The following FREM2 variants were observed in gnomAD, a reference collection of about 807,000 sequenced individuals.
FREM2 encodes the protein FRAS1-related extracellular matrix protein 2.
FREM2 carries 119 observed loss-of-function variants against 219.9 expected under a neutral mutation model. That is an observed-to-expected ratio of 0.54 (90% CI 0.47 to 0.63). The LOEUF is 0.63. FREM2 is among the 30% of genes least tolerant of loss of function. The pLI is 0.00. For synonymous variants in FREM2, 1,562 were observed against 1,522.8 expected, an observed-to-expected ratio of 1.03 and a Z score of -0.60; for missense variants, 4,030 against 3,993.6, an observed-to-expected ratio of 1.01 and a Z score of -0.25.
At position 38,783,902 on chromosome 13, in the gene FREM2, C is replaced by T. The variant is rs891983958; in HGVS notation, c.5768-655C>T. Among the ~76,000 whole-genome samples the T allele has an allele frequency of 3.3e-5, 5 of 152,338 alleles. No homozygotes were observed. In the East Asian group the frequency reaches 9.7e-4, roughly 29 times the overall value. ...ACGAGATCAGGAGTTCACGACCAGT[C>T]TGATCAACATGGTGAAACCCTGCCT... On this transcript the variant is annotated intron_variant, in intron 5 of 23. Transcript: ENST00000280481.
At chr13:38,819,221 A>G (rs1875909976) in intron 6 of FREM2, among the ~76,000 whole-genome samples, 1 of 152,002 alleles carries the variant, frequency 6.6e-6, no homozygotes, top group African/African-American at 2.4e-5. Flanking sequence ...GGTCTTTTTG[A>G]AACTGTTGAT....
intron 5 of FREM2, among the ~76,000 whole-genome samples, chr13:38,784,088 A>G (rs938283562): frequency 2.6e-5 from 4 of 152,186 alleles, no homozygotes; most frequent in African/African-American, 9.7e-5. Flanking sequence ...AACAGAGCGA[A>G]ACTCAGTCTC....
At chr13:38,835,512 T>C (rs984450343) in intron 6 of FREM2, among the ~76,000 whole-genome samples, 1 of 152,252 alleles carries the variant, frequency 6.6e-6, no homozygotes. Context: ...TGGAATAGCA[T>C]TGAATCTATA....
intron 6 of FREM2, among the ~76,000 whole-genome samples, chr13:38,820,204 T>C (rs1319998701): frequency 3.3e-5 from 5 of 152,152 alleles, no homozygotes; most frequent in African/African-American, 9.6e-5. Context: ...ATCTAGCAAA[T>C]GACCCGGTGA....
At chr13:38,744,823 A>G (rs1429093001) in intron 2 of FREM2, among the ~76,000 whole-genome samples, 3 of 152,198 alleles carry the variant, frequency 2.0e-5, no homozygotes, top group Non-Finnish European at 4.4e-5. Flanking sequence ...AACAGCCAAC[A>G]CTTTAATGAA....
chr13:38,844,587 A>G (rs1593441278), intron 6 of FREM2, among the ~76,000 whole-genome samples: 1 of 152,254 alleles, frequency 6.6e-6, no homozygotes, highest in South Asian at 2.1e-4. Context: ...CACTCATTTG[A>G]TTTTATTATG....
intron 2 of FREM2, among the ~76,000 whole-genome samples, chr13:38,724,800 A>G (rs1265741789): frequency 6.6e-6 from 1 of 152,168 alleles, no homozygotes; most frequent in African/African-American, 2.4e-5. Context: ...CCTATCAGTT[A>G]CAGTCAAGTC....
At chr13:38,776,682 A>G (rs1012359160) in intron 4 of FREM2, among the ~76,000 whole-genome samples, 1 of 152,208 alleles carries the variant, frequency 6.6e-6, no homozygotes, top group Non-Finnish European at 1.5e-5. Flanking sequence ...GTCAAAAACG[A>G]ATACAAGATG....
At chr13:38,737,920 T>C (rs1381420345) in intron 2 of FREM2, among the ~76,000 whole-genome samples, 1 of 152,136 alleles carries the variant, frequency 6.6e-6, no homozygotes, top group South Asian at 2.1e-4. Flanking sequence ...GGGGAGCTAA[T>C]TGGAGATTGG....
Position 38,687,935 on chromosome 13 carries a change from C to G in FREM2, c.591C>G (p.Ser197Arg), listed in dbSNP as rs1471630660. ...PLVVEELLGT[S>R]NALDARSLEF... ...TCGTGGAAGAGCTGCTGGGGACCAGCAATGCCCTGGACGCGCGGAGCCTGG... is the reference window on the plus strand; with the variant it reads ...TCGTGGAAGAGCTGCTGGGGACCAGGAATGCCCTGGACGCGCGGAGCCTGG... The change falls in exon 1 of 24, where the codon AGC (serine) becomes AGG (arginine). Residue 197 changes from serine (S) to arginine (R), a missense_variant. Coordinates refer to ENST00000280481, the MANE Select transcript of FREM2 (RefSeq NM_207361.6). The G allele has an allele frequency of 6.2e-7, 1 of 1,604,610 alleles. No homozygotes were observed. The highest frequency in any genetic ancestry group is 8.5e-7 in the Non-Finnish European group (1 of 1,174,858).
At chr13:38,865,194 ATTG>A (rs988942133) in intron 16 of FREM2, among the ~76,000 whole-genome samples, 1 of 152,080 alleles carries the variant, frequency 6.6e-6, no homozygotes, top group African/African-American at 2.4e-5. Flanking sequence ...ATTAAAACTT[ATTG>A]TTATTTGCAC....
intron 6 of FREM2, among the ~76,000 whole-genome samples, chr13:38,799,393 C>A (rs989677642): frequency 6.6e-6 from 1 of 151,860 alleles, no homozygotes; most frequent in African/African-American, 2.4e-5. Flanking sequence ...TATGGTCTAT[C>A]CTGAAGAATG....
rs1869712531 is a variant in FREM2 at position 38,689,612 on chromosome 13, C to T, written c.2268C>T (p.Ala756=). ...PTDTDENHLP[A]PLGTLVLTDN... ...ACACAGACGAAAATCACCTGCCAGC[C>T]CCACTGGGTACCTTGGTCTTGACTG... Residue 756 remains alanine, a synonymous_variant, in exon 1 of 24, where the codon GCC becomes GCT. Transcript: ENST00000280481. 6.2e-7 allele frequency: 1 copy of T among 1,613,674 alleles called. No homozygotes were observed. Among genetic ancestry groups the T allele is most frequent in the Admixed American group, 1.7e-5 (1 of 59,968 alleles).
intron 6 of FREM2, among the ~76,000 whole-genome samples, chr13:38,787,698 A>G (rs1874384293): frequency 6.7e-6 from 1 of 148,900 alleles, no homozygotes; most frequent in South Asian, 2.1e-4. Context: ...TAACTTATTT[A>G]TTATTTATTA....
chr13:38,715,779 C>T (rs1220535859), intron 2 of FREM2, among the ~76,000 whole-genome samples: 1 of 152,030 alleles, frequency 6.6e-6, no homozygotes, highest in Non-Finnish European at 1.5e-5. Flanking sequence ...CATTTATTTT[C>T]TGTCACTTTG....
In FREM2 at chr13:38,691,420, G is replaced by A; in HGVS notation, c.4076G>A (p.Gly1359Asp). 6.2e-7 allele frequency: 1 copy of A among 1,614,138 alleles called. No individual in the cohort carries two copies. The highest frequency in any genetic ancestry group is 8.5e-7 in the Non-Finnish European group (1 of 1,180,028). Residue 1359 changes from glycine (G) to aspartate (D), a missense_variant, in exon 1 of 24, where the codon GGT becomes GAT. Transcript: ENST00000280481. ...HGLLQRRKPT[G>D]AFENITLGMN... is the part of the protein sequence containing the mutation. Reference sequence around the variant, plus strand: ...TTATTACAGAGACGAAAACCTACTGGTGCCTTTGAAAATATCACACTGGGC... The same window carrying A: ...TTATTACAGAGACGAAAACCTACTGATGCCTTTGAAAATATCACACTGGGC...
chr13:38,729,881 G>C (rs1593370723), intron 2 of FREM2, among the ~76,000 whole-genome samples: 1 of 152,294 alleles, frequency 6.6e-6, no homozygotes, highest in East Asian at 1.9e-4. Context: ...ATATAAAGTA[G>C]TTTTATGTTG....
At chr13:38,870,476 A>G (rs1878119936) in intron 16 of FREM2, among the ~76,000 whole-genome samples, 1 of 152,234 alleles carries the variant, frequency 6.6e-6, no homozygotes, top group Admixed American at 6.5e-5. Context: ...AGTATAAACA[A>G]ATACCTCGAA....
chr13:38,825,405 T>G (rs1382130120), intron 6 of FREM2, among the ~76,000 whole-genome samples: 1 of 151,638 alleles, frequency 6.6e-6, no homozygotes, highest in East Asian at 1.9e-4. Context: ...TACAAAAAAA[T>G]TAACCACAAA....
Sources: allele counts gnomAD v4.1 joint callset (sites outside exome capture counted in the v4.1 genomes callset), GRCh38; gene constraint gnomAD v4.1.1; transcripts MANE v1.5; gene names NCBI Gene and HGNC (gene_info 2026-07-23, HGNC 2026-07-21).